ARHGAP24: variants seen among roughly 807,000 people sequenced by gnomAD.
ARHGAP24 encodes rho GTPase-activating protein 24.
In ARHGAP24, 50 loss-of-function variants were observed where a neutral mutation model predicts 76.4. The ratio of observed to expected loss-of-function variants is 0.65; its 90% CI spans 0.52 to 0.83. ARHGAP24 has a LOEUF of 0.83. Ranked by LOEUF, ARHGAP24 falls within the 40% of genes least tolerant of loss-of-function variation. ARHGAP24 has a pLI of 0.00. For synonymous variants in ARHGAP24, 345 were observed against 323.3 expected (o/e 1.07, Z -0.72); for missense variants, 930 against 914.2 (o/e 1.02, Z -0.22).
At chr4:85,617,946 A>C (rs1425222151) in intron 2 of ARHGAP24, among the ~76,000 whole-genome samples, 1 of 152,210 alleles carries the variant, frequency 6.6e-6, no homozygotes, top group East Asian at 1.9e-4. Context: ...TACCACTATC[A>C]AGCTAATTAA....
At chr4:85,535,647 C>T (rs1474301773) in intron 1 of ARHGAP24, among the ~76,000 whole-genome samples, 1 of 152,186 alleles carries the variant, frequency 6.6e-6, no homozygotes, top group Non-Finnish European at 1.5e-5. Flanking sequence ...TCAAATTCTT[C>T]TCAACCTTCT....
intron 2 of ARHGAP24, among the ~76,000 whole-genome samples, chr4:85,626,491 GCTGCC>G (rs138872540): frequency 0.94 from 142,482 of 151,832 alleles, 66,935 homozygotes; most frequent in African/African-American, 0.98. Context: ...TTTCTCTCTG[GCTGCC>G]CTGCCCTTAA....
chr4:85,583,044 C>A (rs1727682582), intron 2 of ARHGAP24, among the ~76,000 whole-genome samples: 1 of 152,058 alleles, frequency 6.6e-6, no homozygotes, highest in Non-Finnish European at 1.5e-5. Context: ...TGATACTCTT[C>A]TAGCTTTCCT....
intron 2 of ARHGAP24, among the ~76,000 whole-genome samples, chr4:85,669,668 TA>T (rs1259230942): frequency 3.1e-5 from 2 of 64,308 alleles, no homozygotes; most frequent in Non-Finnish European, 3.2e-5. Context: ...TATATATATA[TA>T]TATATATATA....
At chr4:85,821,520 C>G (rs1052646954) in intron 3 of ARHGAP24, among the ~76,000 whole-genome samples, 2 of 152,152 alleles carry the variant, frequency 1.3e-5, no homozygotes, top group Non-Finnish European at 2.9e-5. Flanking sequence ...AGACTACAAG[C>G]ACATGGCATC....
chr4:85,843,198 A>G (rs1026386678), intron 3 of ARHGAP24, among the ~76,000 whole-genome samples: 2 of 152,180 alleles, frequency 1.3e-5, no homozygotes, highest in African/African-American at 4.8e-5. Context: ...ATTTAGGTTA[A>G]TACTACCATT....
chr4:85,597,316 A>G (rs151097476), intron 2 of ARHGAP24, among the ~76,000 whole-genome samples: 1 of 152,234 alleles, frequency 6.6e-6, no homozygotes, highest in African/African-American at 2.4e-5. Context: ...TCCATCAAAT[A>G]TCACCCACAC....
intron 8 of ARHGAP24, among the ~76,000 whole-genome samples, chr4:85,983,169 C>T (rs1315042116): frequency 6.6e-6 from 1 of 152,162 alleles, no homozygotes; most frequent in Non-Finnish European, 1.5e-5. Flanking sequence ...TTTATCCAGT[C>T]TATCATTGAT....
intron 3 of ARHGAP24, among the ~76,000 whole-genome samples, chr4:85,801,119 T>A (rs1176244861): frequency 6.6e-6 from 1 of 152,176 alleles, no homozygotes; most frequent in Non-Finnish European, 1.5e-5. Flanking sequence ...TATAGTTTTA[T>A]ATTTTTTATC....
At chr4:85,804,572 G>C (rs1205028481) in intron 3 of ARHGAP24, among the ~76,000 whole-genome samples, 1 of 152,084 alleles carries the variant, frequency 6.6e-6, no homozygotes, top group East Asian at 1.9e-4. Context: ...AGTGGAGCAG[G>C]CAGCTCAGAA....
intron 3 of ARHGAP24, among the ~76,000 whole-genome samples, chr4:85,747,018 A>T (rs1726067076): frequency 6.6e-6 from 1 of 152,158 alleles, no homozygotes; most frequent in Non-Finnish European, 1.5e-5. Context: ...GTATATAACT[A>T]AACCATGGCT....
At chr4:85,731,132 C>A (rs1262683995) in intron 3 of ARHGAP24, among the ~76,000 whole-genome samples, 1 of 151,668 alleles carries the variant, frequency 6.6e-6, no homozygotes, top group Non-Finnish European at 1.5e-5. Context: ...AGTGGTAAAG[C>A]CAGGATTCAC....
chr4:85,732,014 C>A (rs1279306843), intron 3 of ARHGAP24, among the ~76,000 whole-genome samples: 1 of 152,192 alleles, frequency 6.6e-6, no homozygotes, highest in African/African-American at 2.4e-5. Context: ...TAAATGTGAT[C>A]TTTCCCATTG....
At chr4:85,739,880 C>G (rs1471748259) in intron 3 of ARHGAP24, among the ~76,000 whole-genome samples, 1 of 1,998 alleles carries the variant, frequency 5.0e-4, no homozygotes, top group African/African-American at 5.1e-4. Flanking sequence ...CCCACCTCGG[C>G]CTCCCAAAGT....
chr4:85,905,901 G>A (rs1359941038), intron 3 of ARHGAP24, among the ~76,000 whole-genome samples: 2 of 152,062 alleles, frequency 1.3e-5, no homozygotes, highest in African/African-American at 2.4e-5. Flanking sequence ...TGGTTTGTTC[G>A]TGGCACTGTC....
intron 3 of ARHGAP24, among the ~76,000 whole-genome samples, chr4:85,730,686 G>A (rs1039108548): frequency 1.3e-5 from 2 of 152,136 alleles, no homozygotes; most frequent in Non-Finnish European, 2.9e-5. Context: ...TGGGATTATA[G>A]GCGTGAGCCA....
At chr4:85,529,394 A>G (rs1358526034) in intron 1 of ARHGAP24, among the ~76,000 whole-genome samples, 1 of 152,068 alleles carries the variant, frequency 6.6e-6, no homozygotes, top group African/African-American at 2.4e-5. Flanking sequence ...TTTTCAGTGT[A>G]AGATTATTGC....
chr4:85,615,840 C>G (rs146709491), intron 2 of ARHGAP24, among the ~76,000 whole-genome samples: 241 of 152,298 alleles, frequency 1.6e-3, no homozygotes, highest in Middle Eastern at 6.8e-3. Flanking sequence ...GCATTTCTAA[C>G]TCATGTAAAC....
At chr4:85,552,459 T>C (rs1726177414) in intron 1 of ARHGAP24, among the ~76,000 whole-genome samples, 1 of 152,170 alleles carries the variant, frequency 6.6e-6, no homozygotes, top group African/African-American at 2.4e-5. Context: ...GATTGTAGAG[T>C]CCATGCCATG....
Sources: allele counts gnomAD v4.1 joint callset (sites outside exome capture counted in the v4.1 genomes callset), GRCh38; gene constraint gnomAD v4.1.1; transcripts MANE v1.5; gene names NCBI Gene and HGNC (gene_info 2026-07-23, HGNC 2026-07-21).